The following LOXHD1 variants were observed in gnomAD, a reference collection of about 807,000 sequenced individuals.
LOXHD1 encodes lipoxygenase homology PLAT domains 1.
Under a neutral mutation model 248.2 loss-of-function variants are expected in LOXHD1, and 205 were observed. The observed-to-expected ratio is 0.83, with a 90% confidence interval of 0.74 to 0.93. The LOEUF is 0.93. Among genes scored for constraint, LOXHD1 ranks in the 40% least tolerant of loss-of-function variants. LOXHD1 has a pLI of 0.00. For synonymous variants in LOXHD1, 1,113 were observed against 1,162.8 expected, an observed-to-expected ratio of 0.96 and a Z score of 0.87; for missense variants, 2,930 against 2,971.6, an observed-to-expected ratio of 0.99 and a Z score of 0.33.
At chr18:46,504,295 G>A (rs1456325623) in intron 37 of LOXHD1, among the ~76,000 whole-genome samples, 1 of 152,076 alleles carries the variant, frequency 6.6e-6, no homozygotes, top group African/African-American at 2.4e-5. Context: ...TGGTAGAGAT[G>A]GAGTTTCGCC....
intron 36 of LOXHD1, among the ~76,000 whole-genome samples, chr18:46,507,002 G>T (rs2034615538): frequency 6.6e-6 from 1 of 152,184 alleles, no homozygotes; most frequent in South Asian, 2.1e-4. Context: ...TCCTCTGGGT[G>T]CCCTGTCTGC....
chr18:46,538,300 G>T lies in LOXHD1; in HGVS notation c.3951C>A (p.Val1317=), dbSNP rs779507390. ...PYEITLYTSD[V]FAAGTDANIF... is the part of the protein sequence containing the mutation. Reference sequence around the variant, plus strand: ...TGTTGGCATCTGTCCCAGCAGCAAAGACATCACTGGTGTAGAGGGTGATCT... The same window carrying T: ...TGTTGGCATCTGTCCCAGCAGCAAATACATCACTGGTGTAGAGGGTGATCT... The change falls in exon 26 of 41, where the codon GTC becomes GTA. Residue 1317 remains valine, a synonymous_variant. Coordinates refer to ENST00000642948, the MANE Select transcript of LOXHD1 (RefSeq NM_001384474.1). 5.6e-5 allele frequency: 87 copies of T among 1,551,364 alleles called. 1 individual carries two copies. The South Asian group carries it at 9.0e-4, about 16-fold the overall frequency.
At chr18:46,586,520 A>T (rs1305783478) in intron 12 of LOXHD1, among the ~76,000 whole-genome samples, 1 of 152,222 alleles carries the variant, frequency 6.6e-6, no homozygotes, top group Non-Finnish European at 1.5e-5. Context: ...ATCTCCGCTC[A>T]CTGCAATCTC....
intron 40 of LOXHD1, 132 bp downstream of exon 40, chr18:46,483,455 C>A (rs2032752782): frequency 9.2e-7 from 1 of 1,088,664 alleles, no homozygotes; most frequent in Non-Finnish European, 1.3e-6. Context: ...GCCTTCTAGG[C>A]CTCCTGAACA....
chr18:46,480,264 C>T (rs1363674225), intron 40 of LOXHD1, among the ~76,000 whole-genome samples: 1 of 152,096 alleles, frequency 6.6e-6, no homozygotes, highest in Non-Finnish European at 1.5e-5. Flanking sequence ...ACTTCAGCAT[C>T]GCTTCTCCTC....
intron 40 of LOXHD1, among the ~76,000 whole-genome samples, chr18:46,479,236 A>ATGTGTGTGTGTGTG (rs10645069): frequency 1.3e-4 from 19 of 142,892 alleles, no homozygotes; most frequent in South Asian, 9.3e-4. Flanking sequence ...ATATATATGT[A>ATGTGTGTGTGTGTG]TGTGTGTGTG....
At chr18:46,553,600 G>C (rs891549794) in intron 21 of LOXHD1, among the ~76,000 whole-genome samples, 1 of 152,206 alleles carries the variant, frequency 6.6e-6, no homozygotes, top group Non-Finnish European at 1.5e-5. Context: ...TATGCCTGTA[G>C]TGTGCCAGAC....
intron 24 of LOXHD1, 65 bp from the exon 25 acceptor site, chr18:46,542,005 T>C: frequency 6.9e-7 from 1 of 1,446,024 alleles, no homozygotes; most frequent in Non-Finnish European, 9.2e-7. Flanking sequence ...TGTGGGTAAC[T>C]TCAGGGACTC....
chr18:46,495,447 T>TG (rs1555657766), intron 37 of LOXHD1, among the ~76,000 whole-genome samples: 2 of 152,016 alleles, frequency 1.3e-5, no homozygotes, highest in East Asian at 3.9e-4. Flanking sequence ...AAATCACCAT[T>TG]TGTAACCTTA....
chr18:46,519,955 G>A (rs1189207472), intron 33 of LOXHD1, among the ~76,000 whole-genome samples: 1 of 152,032 alleles, frequency 6.6e-6, no homozygotes, highest in African/African-American at 2.4e-5. Context: ...GATTTTCCTG[G>A]ACTAAAGGGC....
chr18:46,617,958 A>T (rs1189778465), intron 5 of LOXHD1, among the ~76,000 whole-genome samples: 1 of 152,170 alleles, frequency 6.6e-6, no homozygotes, highest in Non-Finnish European at 1.5e-5. Context: ...CAATCAACCC[A>T]CACACCAGCC....
At chr18:46,635,729 A>G (rs2038884628) in intron 4 of LOXHD1, among the ~76,000 whole-genome samples, 1 of 152,230 alleles carries the variant, frequency 6.6e-6, no homozygotes, top group Admixed American at 6.5e-5. Context: ...GTTTTTTATG[A>G]TAGTAATATC....
intron 2 of LOXHD1, among the ~76,000 whole-genome samples, chr18:46,642,440 C>T (rs1481872231): frequency 6.7e-6 from 1 of 149,626 alleles, no homozygotes; most frequent in Non-Finnish European, 1.5e-5. Flanking sequence ...GACTCTTTGG[C>T]CTTCTTGCCA....
intron 2 of LOXHD1, among the ~76,000 whole-genome samples, chr18:46,643,345 G>A (rs933174048): frequency 1.3e-5 from 2 of 152,186 alleles, no homozygotes; most frequent in Non-Finnish European, 2.9e-5. Context: ...GGAGGAAGCA[G>A]GGCAAAGTGC....
intron 14 of LOXHD1, among the ~76,000 whole-genome samples, chr18:46,576,958 G>T (rs2037869456): frequency 6.6e-6 from 1 of 152,202 alleles, no homozygotes; most frequent in Admixed American, 6.5e-5. Flanking sequence ...GCTGTCCTCA[G>T]TGTAGCTACC....
chr18:46,563,285 GTAA>G, intron 17 of LOXHD1, 60 bp from the exon 18 acceptor site: 7 of 1,414,206 alleles, frequency 4.9e-6, no homozygotes, highest in Non-Finnish European at 6.6e-6. Context: ...AACAATGATA[GTAA>G]CAAAACAAAC....
At chr18:46,551,899 T>G (rs2037121177) in intron 21 of LOXHD1, among the ~76,000 whole-genome samples, 1 of 152,194 alleles carries the variant, frequency 6.6e-6, no homozygotes, top group Non-Finnish European at 1.5e-5. Flanking sequence ...TGTCATGTAC[T>G]ACAACACGGA....
chr18:46,536,441 G>A (rs922318361), intron 26 of LOXHD1, among the ~76,000 whole-genome samples: 1 of 152,044 alleles, frequency 6.6e-6, no homozygotes, highest in Non-Finnish European at 1.5e-5. Flanking sequence ...ACAGAGGCCA[G>A]GAGACAAAGC....
In LOXHD1 at chr18:46,495,020, T is replaced by TTTTTG. The variant is rs566144477; in HGVS notation, c.5879-5883_5879-5879dup. On this transcript the variant is annotated intron_variant, in intron 37 of 40. Coordinates refer to ENST00000642948, the MANE Select transcript of LOXHD1 (RefSeq NM_001384474.1). ...AGGCGCCCGCCACTGCGCCCGGCTT[T>TTTTTG]TTTTGTTTTGTTTTGTTTTGTATTT... is the stretch of plus-strand genomic sequence containing the variant. Among the ~76,000 whole-genome samples, 570 of 151,978 alleles carry TTTTTG rather than the reference T, an allele frequency of 3.8e-3. 3 individuals are homozygous for TTTTTG. The highest frequency in any genetic ancestry group is 0.013 in the African/African-American group (543 of 41,448).
Sources: gnomAD v4.1 joint callset for allele counts (sites outside exome capture counted in the v4.1 genomes callset) on GRCh38, gnomAD v4.1.1 for gene constraint, MANE v1.5 for transcripts, NCBI Gene and HGNC (gene_info 2026-07-23, HGNC 2026-07-21) for gene names.